ZRANB3: variants seen among roughly 807,000 people sequenced by gnomAD.
ZRANB3 encodes the protein zinc finger RANBP2-type containing 3, also known as DNA annealing helicase and endonuclease ZRANB3.
Under a neutral mutation model 133.8 loss-of-function variants are expected in ZRANB3, and 125 were observed. The observed-to-expected ratio is 0.93, with a 90% CI of 0.81 to 1.08. The LOEUF (loss-of-function observed/expected upper bound fraction) is 1.08, where lower values mean the gene tolerates loss of function less well. Ranked by LOEUF, ZRANB3 falls within the 50% of genes least tolerant of loss-of-function variation. ZRANB3 has a pLI of 0.00. For missense variants in ZRANB3, 1,229 were observed against 1,275.5 expected, an observed-to-expected ratio of 0.96 and a Z score of 0.56; for synonymous variants, 387 against 432.7, an observed-to-expected ratio of 0.89 and a Z score of 1.31.
chr2:135,295,556 T>TGGAG (rs1682020282), intron 8 of ZRANB3, among the ~76,000 whole-genome samples: 1 of 152,218 alleles, frequency 6.6e-6, no homozygotes, highest in Admixed American at 6.5e-5. Context: ...GTCTTTTAAT[T>TGGAG]GGAGCATTTA....
chr2:135,397,426 C>T lies in ZRANB3; in HGVS notation c.162-6606G>A, dbSNP rs369913801. 3.6e-5 allele frequency among the ~76,000 whole-genome samples: 5 copies of T among 138,008 alleles called. No homozygotes were observed. The East Asian group carries it at 1.1e-3, about 30-fold the overall frequency. 90.5% of individuals were successfully genotyped at this position (138,008 alleles called of 152,430 possible). On this transcript the variant is annotated intron_variant, in intron 2 of 20. Transcript: ENST00000264159. Reference sequence around the variant, plus strand: ...TCGTACCACTGCACTTCAGCCTGGGCAAGAAAGCCAGACCCTGACTCAAAA... The same window carrying T: ...TCGTACCACTGCACTTCAGCCTGGGTAAGAAAGCCAGACCCTGACTCAAAA...
At chr2:135,226,367 G>A (rs140569638) in intron 14 of ZRANB3, among the ~76,000 whole-genome samples, 2 of 152,328 alleles carry the variant, frequency 1.3e-5, no homozygotes, top group Non-Finnish European at 2.9e-5. Context: ...TATGTAGGTA[G>A]AATAAGCATT....
chr2:135,269,214 T>C, intron 10 of ZRANB3, 73 bp from the exon 11 acceptor site: 1 of 1,262,154 alleles, frequency 7.9e-7, no homozygotes. Context: ...TCTGAACATG[T>C]TAAATGGAGA....
chr2:135,498,780 GT>G (rs1692803571), intron 2 of ZRANB3, among the ~76,000 whole-genome samples: 1 of 152,118 alleles, frequency 6.6e-6, no homozygotes, highest in Non-Finnish European at 1.5e-5. Context: ...TCTTTTTACG[GT>G]TGTAGATAAG....
At chr2:135,328,850 G>A (rs532812430) in intron 6 of ZRANB3, among the ~76,000 whole-genome samples, 33 of 152,214 alleles carry the variant, frequency 2.2e-4, no homozygotes, top group African/African-American at 2.4e-4. Flanking sequence ...TGTTGGCTGC[G>A]TAAGTGTCTT....
At chr2:135,317,213 C>T (rs1319625744) in intron 6 of ZRANB3, among the ~76,000 whole-genome samples, 1 of 151,896 alleles carries the variant, frequency 6.6e-6, no homozygotes, top group Non-Finnish European at 1.5e-5. Flanking sequence ...TTTTTGACTT[C>T]CTTTAATGCA....
intron 2 of ZRANB3, among the ~76,000 whole-genome samples, chr2:135,483,003 G>C (rs1574176935): frequency 6.6e-6 from 1 of 152,146 alleles, no homozygotes; most frequent in African/African-American, 2.4e-5. Context: ...TTGATGTGCT[G>C]CTGGATTCGG....
At chr2:135,317,001 T>C (rs911538035) in intron 6 of ZRANB3, among the ~76,000 whole-genome samples, 33 of 148,870 alleles carry the variant, frequency 2.2e-4, no homozygotes, top group Non-Finnish European at 2.8e-4. Context: ...TATATATATA[T>C]ACTTGCATGT....
intron 3 of ZRANB3, among the ~76,000 whole-genome samples, chr2:135,368,739 A>C (rs140448528): frequency 0.01 from 1,571 of 152,128 alleles, 25 homozygotes; most frequent in African/African-American, 0.036. Flanking sequence ...AAAATATCTT[A>C]TATACCCCAT....
At chr2:135,312,714 T>G (rs546323106) in intron 8 of ZRANB3, among the ~76,000 whole-genome samples, 1 of 152,096 alleles carries the variant, frequency 6.6e-6, no homozygotes, top group East Asian at 1.9e-4. Flanking sequence ...ATGGGAATAC[T>G]AATAATAAAG....
chr2:135,316,840 C>A (rs543489874), intron 6 of ZRANB3, among the ~76,000 whole-genome samples: 17 of 151,814 alleles, frequency 1.1e-4, no homozygotes, highest in African/African-American at 4.1e-4. Context: ...GTGGTGTGTG[C>A]CTGTAGTCCC....
chr2:135,514,008 T>C (rs186573266), intron 1 of ZRANB3, among the ~76,000 whole-genome samples: 2 of 152,340 alleles, frequency 1.3e-5, no homozygotes, highest in East Asian at 3.9e-4. Flanking sequence ...TCTCTTTTGG[T>C]AACAGTACCA....
intron 12 of ZRANB3, among the ~76,000 whole-genome samples, chr2:135,231,772 A>G (rs1255345720): frequency 4.0e-5 from 6 of 151,884 alleles, no homozygotes; most frequent in African/African-American, 1.2e-4. Context: ...GAGGCAAAGG[A>G]GTGAGACCCT....
At chr2:135,244,608 A>AAAATAAATAAAT (rs144505977) in intron 12 of ZRANB3, among the ~76,000 whole-genome samples, 33 of 150,986 alleles carry the variant, frequency 2.2e-4, no homozygotes, top group African/African-American at 6.6e-4. Context: ...CTCCATCTCA[A>AAAATAAATAAAT]AAATAAATAA....
In ZRANB3 at chr2:135,404,584, T is replaced by A. The variant is rs538350834; in HGVS notation, c.162-13764A>T. Among the ~76,000 whole-genome samples, 11 of 152,198 alleles carry A rather than the reference T, an allele frequency of 7.2e-5. No homozygotes were observed. The South Asian group carries it at 2.3e-3, about 32-fold the overall frequency. ...TAGCAAGTCAGGCCAACATTCAAAT[T>A]CAGGAAATACAGAGAATGCTACAAA... is the stretch of plus-strand genomic sequence containing the variant. On this transcript the variant is annotated intron_variant, in intron 2 of 20. Coordinates refer to ENST00000264159, the MANE Select transcript of ZRANB3 (RefSeq NM_032143.4).
intron 6 of ZRANB3, among the ~76,000 whole-genome samples, chr2:135,340,757 G>A (rs1271393722): frequency 6.6e-6 from 1 of 151,392 alleles, no homozygotes; most frequent in Admixed American, 6.5e-5. Flanking sequence ...TCGGGAGGCT[G>A]AGGCAGGAGA....
intron 6 of ZRANB3, among the ~76,000 whole-genome samples, chr2:135,326,277 G>C (rs1683817484): frequency 6.6e-6 from 1 of 151,966 alleles, no homozygotes; most frequent in Admixed American, 6.6e-5. Context: ...TAGGTTACTG[G>C]GGTACAGGTG....
chr2:135,206,157 T>C (rs1030844643), intron 19 of ZRANB3, among the ~76,000 whole-genome samples: 3 of 152,112 alleles, frequency 2.0e-5, no homozygotes, highest in African/African-American at 7.2e-5. Context: ...TATAATAGAT[T>C]AAATGAAGCA....
intron 2 of ZRANB3, among the ~76,000 whole-genome samples, chr2:135,438,278 G>C (rs2104989725): frequency 6.6e-6 from 1 of 152,170 alleles, no homozygotes; most frequent in Non-Finnish European, 1.5e-5. Context: ...GCTGAGGCGG[G>C]TGGATCACCT....
Sources: gnomAD v4.1 joint callset for allele counts (sites outside exome capture counted in the v4.1 genomes callset) on GRCh38, gnomAD v4.1.1 for gene constraint, MANE v1.5 for transcripts, NCBI Gene and HGNC (gene_info 2026-07-23, HGNC 2026-07-21) for gene names.